NLGN1: variants seen among roughly 807,000 people sequenced by gnomAD.
NLGN1 encodes neuroligin-1.
NLGN1 carries 12 observed loss-of-function variants against 65.5 expected under a neutral mutation model. That is an observed-to-expected ratio of 0.18 (90% confidence interval 0.12 to 0.30). NLGN1 has a LOEUF of 0.30. Among genes scored for constraint, NLGN1 ranks in the 10% least tolerant of loss-of-function variants. The pLI, the probability that NLGN1 is intolerant of heterozygous loss-of-function variation, is 1.00. For synonymous variants in NLGN1, 350 were observed against 359.5 expected, an observed-to-expected ratio of 0.97 and a Z score of 0.30; for missense variants, 750 against 1,007.1, an observed-to-expected ratio of 0.74 and a Z score of 3.46.
downstream of NLGN1, among the ~76,000 whole-genome samples, chr3:174,289,953 G>GTATATATATA (rs759762696): frequency 3.8e-4 from 34 of 89,854 alleles, no homozygotes; most frequent in Non-Finnish European, 5.7e-4. Context: ...GTATATATAT[G>GTATATATATA]TGTATATATA....
chr3:174,058,890 GT>G, intron 4 of NLGN1, among the ~76,000 whole-genome samples: 1 of 152,136 alleles, frequency 6.6e-6, no homozygotes, highest in East Asian at 1.9e-4. Flanking sequence ...GTTGCCAAAG[GT>G]TCAGCATTTC....
chr3:173,951,428 A>G (rs1748186369), intron 4 of NLGN1, among the ~76,000 whole-genome samples: 1 of 150,718 alleles, frequency 6.6e-6, no homozygotes, highest in African/African-American at 2.4e-5. Flanking sequence ...TTCCTATTAG[A>G]TGTAACCTTT....
At chr3:173,833,283 G>A (rs937919915) in intron 4 of NLGN1, among the ~76,000 whole-genome samples, 5 of 151,812 alleles carry the variant, frequency 3.3e-5, no homozygotes, top group Non-Finnish European at 5.9e-5. Flanking sequence ...TACACCATTT[G>A]GTTTGGTTTA....
chr3:174,104,807 T>C (rs2152590049), intron 4 of NLGN1, among the ~76,000 whole-genome samples: 1 of 152,244 alleles, frequency 6.6e-6, no homozygotes. Flanking sequence ...AGGGTTAATA[T>C]TTTCTTTGGC....
chr3:173,923,096 A>G (rs1214350027), intron 4 of NLGN1, among the ~76,000 whole-genome samples: 1 of 152,086 alleles, frequency 6.6e-6, no homozygotes, highest in Non-Finnish European at 1.5e-5. Context: ...AAGGTAAGAT[A>G]CCTAATCTAA....
chr3:173,917,867 G>GTGTGTGTGTGTGTT (rs1375314398), intron 4 of NLGN1, among the ~76,000 whole-genome samples: 4 of 152,022 alleles, frequency 2.6e-5, no homozygotes, highest in African/African-American at 9.7e-5. Context: ...GTGTGTGTGT[G>GTGTGTGTGTGTGTT]TGTTGGCCTT....
chr3:173,877,778 G>A (rs73182683), intron 4 of NLGN1, among the ~76,000 whole-genome samples: 19 of 152,262 alleles, frequency 1.2e-4, no homozygotes, highest in Non-Finnish European at 2.6e-4. Context: ...TTGTGTAGCA[G>A]TATGTACCAG....
chr3:174,034,423 C>T (rs1730685642), intron 4 of NLGN1, among the ~76,000 whole-genome samples: 3 of 151,792 alleles, frequency 2.0e-5, no homozygotes, highest in Admixed American at 6.6e-5. Context: ...AAAATAGAAC[C>T]TTTTATTTTT....
intron 2 of NLGN1, among the ~76,000 whole-genome samples, chr3:173,471,571 C>G (rs1172410630): frequency 6.6e-6 from 1 of 152,052 alleles, no homozygotes; most frequent in Non-Finnish European, 1.5e-5. Flanking sequence ...TAAATAATTA[C>G]GTCTGTAATG....
intron 3 of NLGN1, among the ~76,000 whole-genome samples, chr3:173,630,803 C>T (rs534501543): frequency 1.3e-5 from 2 of 152,048 alleles, no homozygotes; most frequent in Non-Finnish European, 2.9e-5. Flanking sequence ...CTTTTACATG[C>T]CATAAACTTC....
chr3:173,802,446 T>C (rs1157607267), intron 3 of NLGN1, among the ~76,000 whole-genome samples: 1 of 152,222 alleles, frequency 6.6e-6, no homozygotes, highest in East Asian at 1.9e-4. Flanking sequence ...TCTCTTCCTC[T>C]GTGTTGTTTC....
chr3:174,059,257 A>T (rs531589307), intron 4 of NLGN1, among the ~76,000 whole-genome samples: 29 of 152,254 alleles, frequency 1.9e-4, no homozygotes, highest in African/African-American at 7.0e-4. Flanking sequence ...TCTAGTGAAC[A>T]GATTACTTTG....
intron 4 of NLGN1, among the ~76,000 whole-genome samples, chr3:174,258,585 TG>T: frequency 6.6e-6 from 1 of 152,300 alleles, no homozygotes; most frequent in East Asian, 1.9e-4. Context: ...AGCAACATCA[TG>T]TGCCTCCTGT....
chr3:173,627,936 T>C (rs1303402969), intron 3 of NLGN1, among the ~76,000 whole-genome samples: 1 of 152,146 alleles, frequency 6.6e-6, no homozygotes, highest in African/African-American at 2.4e-5. Context: ...CCATGAGGCT[T>C]ATATTGATTT....
intron 4 of NLGN1, among the ~76,000 whole-genome samples, chr3:173,884,024 G>A (rs1271189288): frequency 2.0e-5 from 3 of 151,390 alleles, no homozygotes; most frequent in African/African-American, 7.3e-5. Context: ...TGCATTTAGG[G>A]TAGGGTAAAC....
chr3:173,651,976 T>C lies in NLGN1; in HGVS notation c.493+46885T>C, dbSNP rs552517229. Among the ~76,000 whole-genome samples the C allele has an allele frequency of 1.5e-4, 23 of 152,184 alleles. No individual in the cohort carries two copies. In the South Asian group the frequency reaches 2.5e-3, roughly 16 times the overall value. ...CCCAGCTAATTTTTGTGTTTTCTAG[T>C]AGAGATGGGATTTCACCATGTTGGC... is the stretch of plus-strand genomic sequence containing the variant. On this transcript the variant is annotated intron_variant, in intron 3 of 6. Transcript: ENST00000457714.
At chr3:174,146,630 C>T (rs1240374596) in intron 4 of NLGN1, among the ~76,000 whole-genome samples, 2 of 150,198 alleles carry the variant, frequency 1.3e-5, no homozygotes, top group African/African-American at 2.5e-5. Flanking sequence ...TTCAGTGTCG[C>T]GATCTTGGCT....
At chr3:173,419,936 G>A (rs2148688597) in intron 1 of NLGN1, among the ~76,000 whole-genome samples, 1 of 150,700 alleles carries the variant, frequency 6.6e-6, no homozygotes, top group African/African-American at 2.5e-5. Context: ...TCGCACCATT[G>A]CACTCCAGCC....
chr3:174,200,295 A>G (rs1262976726), intron 4 of NLGN1, among the ~76,000 whole-genome samples: 1 of 152,218 alleles, frequency 6.6e-6, no homozygotes, highest in Admixed American at 6.5e-5. Flanking sequence ...ATTATAAATA[A>G]TGGCTCAGAA....
Sources: gnomAD v4.1 joint callset for allele counts (sites outside exome capture counted in the v4.1 genomes callset) on GRCh38, gnomAD v4.1.1 for gene constraint, MANE v1.5 for transcripts, NCBI Gene and HGNC (gene_info 2026-07-23, HGNC 2026-07-21) for gene names.